SASH1: variants seen among roughly 807,000 people sequenced by gnomAD.
SASH1 encodes SAM and SH3 domain containing 1.
A neutral mutation model predicts 125.2 loss-of-function variants in SASH1; 44 were observed. The observed-to-expected ratio is 0.35, with a 90% confidence interval of 0.28 to 0.45. SASH1 has a LOEUF of 0.45. SASH1 is among the 20% of genes least tolerant of loss of function. The pLI is 1.00. For missense variants in SASH1, 1,426 were observed against 1,614.5 expected (o/e 0.88, Z 2.00); for synonymous variants, 639 against 649.1 (o/e 0.98, Z 0.24).
At chr6:148,199,375 GA>G in the SASH1 span, among the ~76,000 whole-genome samples, 534 of 123,592 alleles carry the variant, frequency 4.3e-3, 3 homozygotes, top group African/African-American at 0.011. Flanking sequence ...TCCGTCTCAA[GA>G]AAAAAAAAAA....
intron 1 of SASH1, among the ~76,000 whole-genome samples, chr6:148,374,709 G>GA (rs1782823559): frequency 6.6e-6 from 1 of 151,536 alleles, no homozygotes. Flanking sequence ...TTTTTTGGGG[G>GA]GGGGGGAGAT....
the SASH1 span, among the ~76,000 whole-genome samples, chr6:148,238,789 C>G: frequency 2.6e-5 from 4 of 152,136 alleles, no homozygotes; most frequent in Admixed American, 1.3e-4. Context: ...ACATCTACCC[C>G]ACTCTTTTGT....
At chr6:148,351,411 T>C (rs1781726817) in intron 1 of SASH1, among the ~76,000 whole-genome samples, 1 of 152,072 alleles carries the variant, frequency 6.6e-6, no homozygotes, top group East Asian at 1.9e-4. Context: ...CCATTCATGG[T>C]TGATTTTGAT....
chr6:148,393,720 G>A, intron 2 of SASH1: 1 of 985,342 alleles, frequency 1.0e-6, no homozygotes, highest in Non-Finnish European at 1.2e-6. Flanking sequence ...TCTGGGGGGA[G>A]AAAACACCAC....
At chr6:148,290,334 C>T (rs1364418411) in intron 1 of SASH1, among the ~76,000 whole-genome samples, 2 of 151,014 alleles carry the variant, frequency 1.3e-5, no homozygotes, top group African/African-American at 2.4e-5. Flanking sequence ...TGGCCGGGCG[C>T]GGTGGCTCAT....
intron 8 of SASH1, among the ~76,000 whole-genome samples, chr6:148,506,851 G>T (rs185922577): frequency 5.9e-5 from 9 of 152,174 alleles, no homozygotes; most frequent in Non-Finnish European, 1.3e-4. Context: ...ATGAAGAAAG[G>T]TCTTGTTGAG....
chr6:148,241,094 GA>G, the SASH1 span, among the ~76,000 whole-genome samples: 2 of 151,900 alleles, frequency 1.3e-5, no homozygotes, highest in South Asian at 2.1e-4. Flanking sequence ...CCATCAAGGG[GA>G]AAAAAAATAT....
In SASH1 at chr6:148,449,658, A is replaced by G. The variant is rs193286627; in HGVS notation, c.386+9251A>G. On this transcript the variant is annotated intron_variant, in intron 4 of 19. Transcript: ENST00000367467. Reference sequence around the variant, plus strand: ...CGCCTTGGCCTCCCAAAGTGCTGGGATTACAGGTGTGAGCCACTGCGCCCA... The same window carrying G: ...CGCCTTGGCCTCCCAAAGTGCTGGGGTTACAGGTGTGAGCCACTGCGCCCA... Among the ~76,000 whole-genome samples, 128 of 152,260 alleles carry G rather than the reference A, an allele frequency of 8.4e-4. No homozygotes were observed. In the East Asian group the frequency reaches 0.014, roughly 16 times the overall value.
chr6:148,441,140 A>G (rs1262356062), intron 4 of SASH1, among the ~76,000 whole-genome samples: 1 of 152,264 alleles, frequency 6.6e-6, no homozygotes, highest in Non-Finnish European at 1.5e-5. Context: ...GAAAGTCCAC[A>G]TCTCTAAACA....
chr6:148,409,445 A>G (rs1295763438), intron 2 of SASH1, among the ~76,000 whole-genome samples: 6 of 152,256 alleles, frequency 3.9e-5, no homozygotes, highest in Non-Finnish European at 8.8e-5. Context: ...GAAAGCTGCC[A>G]TCCATATTGC....
At chr6:148,384,257 A>C (rs1334476048) in intron 1 of SASH1, among the ~76,000 whole-genome samples, 1 of 152,234 alleles carries the variant, frequency 6.6e-6, no homozygotes, top group Non-Finnish European at 1.5e-5. Context: ...CCATGTTCCT[A>C]AACTTGAACT....
intron 1 of SASH1, among the ~76,000 whole-genome samples, chr6:148,382,375 C>T (rs753454543): frequency 4.6e-5 from 7 of 152,016 alleles, no homozygotes; most frequent in Non-Finnish European, 1.0e-4. Flanking sequence ...CTGCAACCTC[C>T]GCCTCCTGGG....
At chr6:148,433,266 G>A (rs1776137052) in intron 2 of SASH1, among the ~76,000 whole-genome samples, 1 of 151,928 alleles carries the variant, frequency 6.6e-6, no homozygotes, top group Non-Finnish European at 1.5e-5. Context: ...TTTAGTCAAA[G>A]TATGAATATG....
At chr6:148,454,804 C>T (rs1469797418) in intron 4 of SASH1, among the ~76,000 whole-genome samples, 2 of 152,164 alleles carry the variant, frequency 1.3e-5, no homozygotes, top group Non-Finnish European at 2.9e-5. Context: ...CTTTATTTTG[C>T]TTCCACTTTC....
chr6:148,202,075 T>C, the SASH1 span, among the ~76,000 whole-genome samples: 2 of 152,124 alleles, frequency 1.3e-5, no homozygotes, highest in South Asian at 2.1e-4. Context: ...GTCCTGGAGC[T>C]GAAGGGTGTA....
intron 9 of SASH1, among the ~76,000 whole-genome samples, chr6:148,515,942 C>T (rs1213966572): frequency 6.6e-6 from 1 of 152,156 alleles, no homozygotes; most frequent in Non-Finnish European, 1.5e-5. Flanking sequence ...TGGGCCTGTT[C>T]CCCAGTGGGC....
At chr6:148,428,320 C>G (rs1775911866) in intron 2 of SASH1, among the ~76,000 whole-genome samples, 1 of 151,788 alleles carries the variant, frequency 6.6e-6, no homozygotes, top group Non-Finnish European at 1.5e-5. Context: ...AAATAAGTAA[C>G]TAATAACTGC....
chr6:148,466,045 T>C (rs2115100005), intron 4 of SASH1, among the ~76,000 whole-genome samples: 1 of 152,346 alleles, frequency 6.6e-6, no homozygotes, highest in Non-Finnish European at 1.5e-5. Context: ...AATTTTGAAA[T>C]GGCTACCTCC....
intron 8 of SASH1, among the ~76,000 whole-genome samples, chr6:148,494,292 A>G (rs1376877452): frequency 6.6e-6 from 1 of 152,230 alleles, no homozygotes; most frequent in Admixed American, 6.5e-5. Context: ...AAAGCACAAG[A>G]TGGGCTAGAG....
Sources: allele counts gnomAD v4.1 joint callset (sites outside exome capture counted in the v4.1 genomes callset), GRCh38; gene constraint gnomAD v4.1.1; transcripts MANE v1.5; gene names NCBI Gene and HGNC (gene_info 2026-07-23, HGNC 2026-07-21).